GPC5: variants seen among roughly 807,000 people sequenced by gnomAD.
GPC5 encodes glypican 5.
A neutral mutation model predicts 53.9 loss-of-function variants in GPC5; 47 were observed. That is an observed-to-expected ratio of 0.87 (90% CI 0.69 to 1.11). The LOEUF is 1.11. Among genes scored for constraint, GPC5 ranks in the 50% most tolerant of loss-of-function variants. The probability of loss-of-function intolerance (pLI) is 0.00; values close to 1 mark genes in which losing one functional copy is unlikely to be tolerated. For synonymous variants in GPC5, 286 were observed against 263.3 expected, an observed-to-expected ratio of 1.09 and a Z score of -0.84; for missense variants, 748 against 713.1, an observed-to-expected ratio of 1.05 and a Z score of -0.56.
chr13:91,700,486 C>A (rs987751832), intron 3 of GPC5, among the ~76,000 whole-genome samples: 9 of 152,288 alleles, frequency 5.9e-5, no homozygotes, highest in African/African-American at 1.7e-4. Flanking sequence ...AAGGCAGAAT[C>A]TGAGCAGAGG....
intron 7 of GPC5, among the ~76,000 whole-genome samples, chr13:92,618,209 G>T (rs1367733092): frequency 1.3e-5 from 2 of 152,100 alleles, no homozygotes; most frequent in Admixed American, 6.6e-5. Context: ...TATTTGCACA[G>T]ATGACTCTGT....
At chr13:92,056,688 T>C (rs1056915681) in intron 6 of GPC5, among the ~76,000 whole-genome samples, 2 of 152,200 alleles carry the variant, frequency 1.3e-5, no homozygotes, top group Non-Finnish European at 2.9e-5. Flanking sequence ...ACAAATTAAA[T>C]TGGAATAACT....
At chr13:92,145,082 T>G in intron 7 of GPC5, 93 bp downstream of exon 7, 1 of 1,113,024 alleles carries the variant, frequency 9.0e-7, no homozygotes, top group Non-Finnish European at 1.2e-6. Flanking sequence ...TAATGACAAT[T>G]CAAAAACAAG....
At chr13:92,286,452 A>G (rs1045219860) in intron 7 of GPC5, among the ~76,000 whole-genome samples, 11 of 152,166 alleles carry the variant, frequency 7.2e-5, no homozygotes, top group Non-Finnish European at 1.5e-4. Context: ...TTATTTCGGC[A>G]CTATTCACAA....
chr13:91,772,690 C>A (rs964343605), intron 5 of GPC5, among the ~76,000 whole-genome samples: 10 of 152,042 alleles, frequency 6.6e-5, no homozygotes, highest in African/African-American at 2.4e-4. Flanking sequence ...CCGAAGGAGA[C>A]AAGGAAAAAA....
chr13:92,087,993 A>C (rs2041349272), intron 6 of GPC5, among the ~76,000 whole-genome samples: 2 of 151,584 alleles, frequency 1.3e-5, no homozygotes, highest in Non-Finnish European at 2.9e-5. Context: ...TGGTCTTCAA[A>C]TCCTGGCCTC....
intron 4 of GPC5, among the ~76,000 whole-genome samples, chr13:91,741,591 T>A (rs2036935117): frequency 6.6e-6 from 1 of 152,232 alleles, no homozygotes; most frequent in South Asian, 2.1e-4. Context: ...TCATATTAAA[T>A]GGCATCAGTT....
chr13:92,825,687 A>G (rs184122250), intron 7 of GPC5, among the ~76,000 whole-genome samples: 1 of 152,256 alleles, frequency 6.6e-6, no homozygotes, highest in East Asian at 1.9e-4. Context: ...AATTCATTAT[A>G]TTCTCTTAAC....
At chr13:92,737,265 TG>T (rs1888961668) in intron 7 of GPC5, among the ~76,000 whole-genome samples, 1 of 152,100 alleles carries the variant, frequency 6.6e-6, no homozygotes, top group Admixed American at 6.6e-5. Flanking sequence ...CCATGATTCA[TG>T]TGAACTGCAG....
chr13:92,537,205 AT>A (rs1881753756), intron 7 of GPC5, among the ~76,000 whole-genome samples: 1 of 152,134 alleles, frequency 6.6e-6, no homozygotes, highest in Admixed American at 6.6e-5. Flanking sequence ...AAATTAAAGC[AT>A]TTTTCAAGTG....
At chr13:92,249,557 C>A (rs974951376) in intron 7 of GPC5, among the ~76,000 whole-genome samples, 1 of 151,994 alleles carries the variant, frequency 6.6e-6, no homozygotes, top group Non-Finnish European at 1.5e-5. Flanking sequence ...TGATGTTTTC[C>A]TACTGTCACT....
At chr13:92,141,212 G>A (rs1256331152) in intron 6 of GPC5, among the ~76,000 whole-genome samples, 1 of 152,092 alleles carries the variant, frequency 6.6e-6, no homozygotes, top group East Asian at 1.9e-4. Flanking sequence ...TGTACATTGT[G>A]GATGTATGAT....
intron 2 of GPC5, among the ~76,000 whole-genome samples, chr13:91,522,344 G>T (rs931452698): frequency 1.3e-5 from 2 of 152,128 alleles, no homozygotes; most frequent in Non-Finnish European, 2.9e-5. Flanking sequence ...ACGACATCAC[G>T]TTGGAGAGTC....
At chr13:91,416,879 C>A (rs764161134) in intron 1 of GPC5, among the ~76,000 whole-genome samples, 14 of 152,142 alleles carry the variant, frequency 9.2e-5, no homozygotes, top group Non-Finnish European at 1.6e-4. Context: ...GGTTCCAAGT[C>A]TTTGCTATTG....
At chr13:91,780,050 G>A (rs1464627173) in intron 5 of GPC5, among the ~76,000 whole-genome samples, 1 of 152,138 alleles carries the variant, frequency 6.6e-6, no homozygotes, top group Non-Finnish European at 1.5e-5. Flanking sequence ...CAGTAGGTTT[G>A]TTTATACCAG....
chr13:92,293,249 C>T (rs1403596591), intron 7 of GPC5, among the ~76,000 whole-genome samples: 1 of 151,702 alleles, frequency 6.6e-6, no homozygotes. Flanking sequence ...TTGTAGATTG[C>T]TTTGGCAGTA....
At chr13:92,271,766 T>G (rs1594055105) in intron 7 of GPC5, among the ~76,000 whole-genome samples, 1 of 152,250 alleles carries the variant, frequency 6.6e-6, no homozygotes, top group Middle Eastern at 3.4e-3. Context: ...AGTTCAGCAA[T>G]GCTTAGTGTA....
At chr13:92,340,945 A>G (rs2043361192) in intron 7 of GPC5, among the ~76,000 whole-genome samples, 1 of 152,146 alleles carries the variant, frequency 6.6e-6, no homozygotes, top group African/African-American at 2.4e-5. Context: ...TCTCTCATAA[A>G]CCACTAAAGC....
intron 7 of GPC5, among the ~76,000 whole-genome samples, chr13:92,536,240 G>A (rs1019767638): frequency 1.3e-5 from 2 of 152,028 alleles, no homozygotes; most frequent in African/African-American, 4.8e-5. Flanking sequence ...AACTATCCAT[G>A]TCAGCTACAT....
Sources: gnomAD v4.1 joint callset for allele counts (sites outside exome capture counted in the v4.1 genomes callset) on GRCh38, gnomAD v4.1.1 for gene constraint, MANE v1.5 for transcripts, NCBI Gene and HGNC (gene_info 2026-07-23, HGNC 2026-07-21) for gene names.